The following RTTN variants were observed in gnomAD, a reference collection of about 807,000 sequenced individuals.
RTTN encodes the protein rotatin.
A neutral mutation model predicts 269.2 loss-of-function variants in RTTN; 182 were observed. The ratio of observed to expected loss-of-function variants is 0.68; its 90% CI spans 0.60 to 0.76. The LOEUF (loss-of-function observed/expected upper bound fraction) is 0.76, where lower values mean the gene tolerates loss of function less well. RTTN is among the 30% of genes least tolerant of loss of function. RTTN has a pLI of 0.00. For synonymous variants in RTTN, 1,006 were observed against 963.5 expected, an observed-to-expected ratio of 1.04 and a Z score of -0.82; for missense variants, 2,545 against 2,608.6, an observed-to-expected ratio of 0.98 and a Z score of 0.53.
chr18:70,039,032 G>C (rs1011706813), intron 40 of RTTN, among the ~76,000 whole-genome samples: 1 of 152,122 alleles, frequency 6.6e-6, no homozygotes, highest in African/African-American at 2.4e-5. Context: ...CACAGAGTCA[G>C]GGGAAGGAGA....
chr18:70,127,776 A>T (rs1319501605), intron 24 of RTTN, 35 bp from the exon 25 acceptor site: 1 of 1,542,438 alleles, frequency 6.5e-7, no homozygotes, highest in Non-Finnish European at 8.8e-7. Flanking sequence ...GGAGGAACAT[A>T]AAGCTATTTA....
At chr18:70,084,435 T>C (rs761075557) in intron 32 of RTTN, among the ~76,000 whole-genome samples, 7 of 152,172 alleles carry the variant, frequency 4.6e-5, no homozygotes, top group Non-Finnish European at 8.8e-5. Context: ...GGCCCCTTTT[T>C]CATGGTTGCA....
Position 70,121,704 on chromosome 18 carries a change from T to A in RTTN, c.3384-4A>T. The A allele has an allele frequency of 1.3e-6, 2 of 1,536,176 alleles. No individual in the cohort carries two copies. Among genetic ancestry groups the A allele is most frequent in the South Asian group, 2.5e-5 (2 of 79,708 alleles). On this transcript the variant is annotated splice_region_variant and splice_polypyrimidine_tract_variant and intron_variant, in intron 25 of 48. Coordinates refer to ENST00000640769, the MANE Select transcript of RTTN (RefSeq NM_173630.4). ...AGCAGGAAGCACCTGTAAAAACCTA[T>A]AATGAAAAGACAATAATCATGGTTT...
chr18:70,188,702 A>T (rs1211850447), intron 9 of RTTN, among the ~76,000 whole-genome samples: 1 of 152,232 alleles, frequency 6.6e-6, no homozygotes, highest in Non-Finnish European at 1.5e-5. Flanking sequence ...ATAAATGAAC[A>T]TGCTAACATT....
intron 14 of RTTN, among the ~76,000 whole-genome samples, chr18:70,158,483 C>G (rs572538750): frequency 6.6e-6 from 1 of 152,240 alleles, no homozygotes; most frequent in Admixed American, 6.5e-5. Context: ...TACCTGCCTC[C>G]ACAAAAACAC....
chr18:70,141,995 G>A (rs1034562419), intron 19 of RTTN, among the ~76,000 whole-genome samples: 1 of 152,118 alleles, frequency 6.6e-6, no homozygotes, highest in Non-Finnish European at 1.5e-5. Flanking sequence ...GCATTTTACA[G>A]GTCAAATAAT....
intron 25 of RTTN, among the ~76,000 whole-genome samples, chr18:70,124,653 T>C (rs10469164): frequency 0.83 from 126,337 of 152,034 alleles, 55,607 homozygotes; most frequent in East Asian, 1. Context: ...GAGGAAACTG[T>C]AGCTGAAAAG....
intron 8 of RTTN, among the ~76,000 whole-genome samples, chr18:70,191,940 A>G (rs2061681497): frequency 6.6e-6 from 1 of 152,122 alleles, no homozygotes; most frequent in Non-Finnish European, 1.5e-5. Context: ...TTCAGGAGAA[A>G]GAGAAAAACA....
chr18:70,070,102 CTGA>C, intron 34 of RTTN, among the ~76,000 whole-genome samples: 1 of 152,304 alleles, frequency 6.6e-6, no homozygotes, highest in East Asian at 1.9e-4. Context: ...GAAAAGTCCT[CTGA>C]AGGAATGAGC....
intron 37 of RTTN, 99 bp from the exon 38 acceptor site, chr18:70,054,383 T>C: frequency 8.9e-7 from 1 of 1,121,940 alleles, no homozygotes; most frequent in Non-Finnish European, 1.2e-6. Flanking sequence ...AAAAATAAAA[T>C]ATTAACCATA....
intron 23 of RTTN, among the ~76,000 whole-genome samples, chr18:70,132,587 A>G (rs897917451): frequency 6.6e-6 from 1 of 152,086 alleles, no homozygotes; most frequent in Non-Finnish European, 1.5e-5. Context: ...CACTTAGAAA[A>G]TATTTTGAAC....
At chr18:70,062,958 T>A (rs1425167056) in intron 35 of RTTN, among the ~76,000 whole-genome samples, 1 of 152,168 alleles carries the variant, frequency 6.6e-6, no homozygotes, top group Non-Finnish European at 1.5e-5. Flanking sequence ...TTTTGTTATA[T>A]GTTTATCATT....
chr18:70,095,010 G>C (rs1415013783), intron 28 of RTTN, among the ~76,000 whole-genome samples: 2 of 151,702 alleles, frequency 1.3e-5, no homozygotes, highest in Admixed American at 6.6e-5. Context: ...TATATATTTA[G>C]GACAGTTAGC....
chr18:70,117,836 G>A lies in RTTN; in HGVS notation c.3529-3237C>T, dbSNP rs143370204. On this transcript the variant is annotated intron_variant, in intron 26 of 48. Coordinates refer to ENST00000640769, the MANE Select transcript of RTTN (RefSeq NM_173630.4). ...AGAAGTCACCAAAAGAAGGAATTCT[G>A]GAGTATTCACATATACATAAAAATT... 6.7e-3 allele frequency among the ~76,000 whole-genome samples: 1,022 copies of A among 151,944 alleles called. 25 individuals carry two copies. Among genetic ancestry groups the A allele is most frequent in the Admixed American group, 0.037 (561 of 15,254 alleles).
At chr18:70,030,195 G>A in intron 41 of RTTN, 86 bp from the exon 42 acceptor site, 1 of 869,984 alleles carries the variant, frequency 1.1e-6, no homozygotes, top group South Asian at 1.8e-5. Context: ...TTCTCAAAAA[G>A]GTAACATTTT....
chr18:70,150,197 T>C, intron 15 of RTTN, 110 bp from the exon 16 acceptor site: 2 of 682,098 alleles, frequency 2.9e-6, no homozygotes, highest in Non-Finnish European at 5.2e-6. Context: ...AATTAACATC[T>C]CTTTCTTTCA....
intron 27 of RTTN, 51 bp from the exon 28 acceptor site, chr18:70,109,768 T>G (rs1425511690): frequency 7.0e-7 from 1 of 1,422,344 alleles, no homozygotes; most frequent in Admixed American, 1.7e-5. Context: ...ATAATGGGCT[T>G]AATGGGCTAT....
At chr18:70,081,793 A>G (rs1232949870) in intron 32 of RTTN, among the ~76,000 whole-genome samples, 2 of 151,448 alleles carry the variant, frequency 1.3e-5, no homozygotes, top group African/African-American at 2.4e-5. Flanking sequence ...TTTTTTTTCT[A>G]TTAAAAACAG....
Position 70,201,907 on chromosome 18 carries a change from C to T in RTTN, c.474G>A (p.Pro158=), listed in dbSNP as rs370788902. 1.7e-5 allele frequency: 28 copies of T among 1,606,796 alleles called. No homozygotes were observed. Among genetic ancestry groups the T allele is most frequent in the African/African-American group, 1.5e-4 (11 of 74,754 alleles). The stretch of plus-strand genomic sequence containing the variant: ...ACATATACACACCCACTGGTCGTGG[C>T]GGCACTTCCATCTGCTGGAAATTAC... ...DKSNFQQMEV[P]PRPVVNQTVK... Residue 158 remains proline, a synonymous_variant, in exon 4 of 49, where the codon CCG becomes CCA. Coordinates refer to ENST00000640769, the MANE Select transcript of RTTN (RefSeq NM_173630.4).
Sources: gnomAD v4.1 joint callset for allele counts (sites outside exome capture counted in the v4.1 genomes callset) on GRCh38, gnomAD v4.1.1 for gene constraint, MANE v1.5 for transcripts, NCBI Gene and HGNC (gene_info 2026-07-23, HGNC 2026-07-21) for gene names.